The following PRKG2 variants were observed in gnomAD, a reference collection of about 807,000 sequenced individuals.
The protein encoded by PRKG2 is protein kinase cGMP-dependent 2.
In PRKG2, 33 loss-of-function variants were observed where a neutral mutation model predicts 97.2. That is an observed-to-expected ratio of 0.34 (90% CI 0.26 to 0.45). The LOEUF (loss-of-function observed/expected upper bound fraction) is 0.45. PRKG2 is among the 20% of genes least tolerant of loss of function. The pLI is 1.00. For synonymous variants in PRKG2, 330 were observed against 321.8 expected, an observed-to-expected ratio of 1.03 and a Z score of -0.27; for missense variants, 638 against 900.0, an observed-to-expected ratio of 0.71 and a Z score of 3.73.
intron 14 of PRKG2, among the ~76,000 whole-genome samples, chr4:81,116,627 C>T (rs1164504174): frequency 1.3e-5 from 2 of 152,180 alleles, no homozygotes; most frequent in Admixed American, 6.5e-5. Flanking sequence ...AACTAATTTA[C>T]AATCCCCTCA....
rs1407073171 is a variant in PRKG2, at chr4:81,204,616, A to G, written c.432T>C (p.Phe144=). 6.2e-7 allele frequency: 1 copy of G among 1,613,846 alleles called. No homozygotes were observed. Among genetic ancestry groups the G allele is most frequent in the South Asian group, 1.1e-5 (1 of 91,000 alleles). Residue 144 remains phenylalanine (F), a synonymous_variant, in exon 2 of 19, where the codon TTT becomes TTC. Transcript: ENST00000264399. ...AGTCTTTTCTGACTCTTGCTTTCTCAAAGGAAAATTCAGGGGGTTTGTTCA... is the reference window on the plus strand; with the variant it reads ...AGTCTTTTCTGACTCTTGCTTTCTCGAAGGAAAATTCAGGGGGTTTGTTCA... ...YDLNKPPEFS[F]EKARVRKDSS... is the part of the protein sequence containing the mutation.
intron 2 of PRKG2, among the ~76,000 whole-genome samples, chr4:81,194,907 G>A (rs1405242707): frequency 7.0e-6 from 1 of 142,576 alleles, no homozygotes; most frequent in South Asian, 2.2e-4. Flanking sequence ...GAATCAGCAG[G>A]GGAGCTTTTA....
intron 6 of PRKG2, among the ~76,000 whole-genome samples, chr4:81,157,837 T>A (rs1232693428): frequency 3.3e-5 from 5 of 149,882 alleles, no homozygotes; most frequent in Admixed American, 2.0e-4. Context: ...ACCACATGAT[T>A]ATCTCAATAG....
intron 15 of PRKG2, among the ~76,000 whole-genome samples, chr4:81,106,925 CT>C (rs763106649): frequency 5.4e-4 from 82 of 152,180 alleles, no homozygotes; most frequent in Non-Finnish European, 1.0e-3. Flanking sequence ...CCCTGGTAAC[CT>C]GATCTGGGAC....
Position 81,169,769 on chromosome 4 carries a change from CT to C in PRKG2, c.743-2del. 1 of 1,580,964 alleles carries C rather than the reference CT, an allele frequency of 6.3e-7. No individual in the cohort carries two copies. Among genetic ancestry groups the C allele is most frequent in the South Asian group, 1.1e-5 (1 of 87,110 alleles). Reference sequence around the variant, plus strand: ...GCCCATGTTTTAACATTGGTAATAGCTTTAGAAAATTCAAGAAAACAATAAA... The same window carrying C: ...GCCCATGTTTTAACATTGGTAATAGCTTAGAAAATTCAAGAAAACAATAAA... On this transcript the variant is annotated splice_acceptor_variant, in intron 4 of 18. Coordinates refer to ENST00000264399, the MANE Select transcript of PRKG2 (RefSeq NM_006259.3). LOFTEE classifies it high-confidence loss of function.
At chr4:81,118,967 TTG>T (rs1253192232) in intron 14 of PRKG2, among the ~76,000 whole-genome samples, 1 of 152,110 alleles carries the variant, frequency 6.6e-6, no homozygotes, top group Non-Finnish European at 1.5e-5. Flanking sequence ...GCTAATTTTT[TTG>T]TGTTTTTTGT....
intron 1 of PRKG2, among the ~76,000 whole-genome samples, chr4:81,207,690 T>A (rs1001944942): frequency 3.9e-5 from 6 of 152,196 alleles, no homozygotes; most frequent in African/African-American, 1.4e-4. Flanking sequence ...TTGGAAGCTA[T>A]GTAAATCTTT....
chr4:81,152,150 A>G (rs1748467865), intron 7 of PRKG2, 96 bp from the exon 8 acceptor site: 1 of 882,778 alleles, frequency 1.1e-6, no homozygotes, highest in South Asian at 1.7e-5. Context: ...ACCTATATAA[A>G]CTTGGACAAG....
intron 2 of PRKG2, among the ~76,000 whole-genome samples, chr4:81,185,841 G>A (rs770164496): frequency 6.6e-6 from 1 of 152,110 alleles, no homozygotes; most frequent in African/African-American, 2.4e-5. Flanking sequence ...TGATAAAACA[G>A]ACTTTAAACC....
At chr4:81,181,170 C>T (rs371324296) in intron 2 of PRKG2, among the ~76,000 whole-genome samples, 23 of 151,892 alleles carry the variant, frequency 1.5e-4, no homozygotes, top group African/African-American at 4.6e-4. Context: ...TTTCATAAGA[C>T]TGAAGTAATA....
chr4:81,135,086 C>A, intron 14 of PRKG2, 69 bp downstream of exon 14: 4 of 1,429,200 alleles, frequency 2.8e-6, no homozygotes, highest in Non-Finnish European at 3.8e-6. Flanking sequence ...AAGAAAATTG[C>A]AACTAGAACA....
At position 81,190,979 on chromosome 4, in the gene PRKG2, T is replaced by A. The variant is rs370367884; in HGVS notation, c.461+13608A>T. 1.4e-3 allele frequency among the ~76,000 whole-genome samples: 211 copies of A among 152,258 alleles called. 3 individuals carry two copies. The highest frequency in any genetic ancestry group is 4.8e-3 in the African/African-American group (201 of 41,556). On this transcript the variant is annotated intron_variant, in intron 2 of 18. Transcript: ENST00000264399. ...GAGAAACAGGAACACTTCTACACTGTTGGTGGGAGTGTAAATTAATTCAAC... is the reference window on the plus strand; with the variant it reads ...GAGAAACAGGAACACTTCTACACTGATGGTGGGAGTGTAAATTAATTCAAC...
intron 6 of PRKG2, among the ~76,000 whole-genome samples, chr4:81,154,482 C>T (rs1283556264): frequency 1.4e-5 from 2 of 145,802 alleles, no homozygotes; most frequent in Non-Finnish European, 2.9e-5. Flanking sequence ...AGCAGCCTAA[C>T]TGGGAGGCAC....
intron 14 of PRKG2, among the ~76,000 whole-genome samples, chr4:81,130,585 C>T (rs1746075700): frequency 6.6e-6 from 1 of 152,114 alleles, no homozygotes; most frequent in Non-Finnish European, 1.5e-5. Context: ...TGAAGCTGCA[C>T]CCACAGCCAC....
intron 6 of PRKG2, among the ~76,000 whole-genome samples, chr4:81,162,586 C>A (rs1391629022): frequency 6.6e-6 from 1 of 152,150 alleles, no homozygotes; most frequent in Non-Finnish European, 1.5e-5. Context: ...GAGTGACAAA[C>A]TTCTGTTTTA....
intron 2 of PRKG2, among the ~76,000 whole-genome samples, chr4:81,196,685 C>T (rs1376627187): frequency 1.3e-5 from 2 of 151,634 alleles, no homozygotes; most frequent in African/African-American, 4.8e-5. Flanking sequence ...GTTGGGGGAC[C>T]CTGATGACTC....
intron 2 of PRKG2, among the ~76,000 whole-genome samples, chr4:81,193,600 G>A (rs1752742536): frequency 6.6e-6 from 1 of 152,124 alleles, no homozygotes; most frequent in Non-Finnish European, 1.5e-5. Context: ...AGCACTTTGG[G>A]AGGCCAAGGT....
chr4:81,122,121 C>A (rs1406419483), intron 14 of PRKG2, among the ~76,000 whole-genome samples: 1 of 152,062 alleles, frequency 6.6e-6, no homozygotes, highest in Admixed American at 6.6e-5. Flanking sequence ...AGAGTAAAAC[C>A]AAGTTTTCTC....
rs755693275 is a variant in PRKG2, at chr4:81,198,557, T to C, written c.461+6030A>G. Among the ~76,000 whole-genome samples, 4 of 151,792 alleles carry C rather than the reference T, an allele frequency of 2.6e-5. No individual in the cohort carries two copies. The South Asian group carries it at 6.2e-4, about 24-fold the overall frequency. On this transcript the variant is annotated intron_variant, in intron 2 of 18. Coordinates refer to ENST00000264399, the MANE Select transcript of PRKG2 (RefSeq NM_006259.3). Reference sequence around the variant, plus strand: ...CAACCCCAAGGGAAGCCACTCACACTGTAGGCTGCACAGGCTATAAATGTT... The same window carrying C: ...CAACCCCAAGGGAAGCCACTCACACCGTAGGCTGCACAGGCTATAAATGTT...
Sources: gnomAD v4.1 joint callset for allele counts (sites outside exome capture counted in the v4.1 genomes callset) on GRCh38, gnomAD v4.1.1 for gene constraint, MANE v1.5 for transcripts, NCBI Gene and HGNC (gene_info 2026-07-23, HGNC 2026-07-21) for gene names.